Variants in RANBP2 observed in about 807,000 individuals in gnomAD.
RANBP2 encodes RAN binding protein 2.
Under a neutral mutation model 303.6 loss-of-function variants are expected in RANBP2, and 57 were observed. The ratio of observed to expected loss-of-function variants is 0.19; its 90% confidence interval spans 0.15 to 0.23. The LOEUF (loss-of-function observed/expected upper bound fraction) is 0.23, where lower values mean the gene tolerates loss of function less well. Ranked by LOEUF, RANBP2 falls within the 10% of genes least tolerant of loss-of-function variation. RANBP2 has a pLI of 1.00. For missense variants in RANBP2, 3,138 were observed against 3,780.8 expected (o/e 0.83, Z 4.46); for synonymous variants, 1,167 against 1,301.5 (o/e 0.90, Z 2.23).
chr2:108,906,291 CT>C, the RANBP2 span: 158,438 of 1,610,286 alleles, frequency 0.098, 16,164 homozygotes, highest in African/African-American at 0.5. Flanking sequence ...CTCTCCCAGG[CT>C]TTTTTTTCAG....
chr2:108,723,058 T>A (rs187540866), intron 1 of RANBP2, among the ~76,000 whole-genome samples: 270 of 152,270 alleles, frequency 1.8e-3, no homozygotes, highest in African/African-American at 6.3e-3. Context: ...TATTTGTTTT[T>A]TAGAATAGGG....
chr2:109,034,270 CAAAAAAAA>C, the RANBP2 span, among the ~76,000 whole-genome samples: 1 of 38,094 alleles, frequency 2.6e-5, no homozygotes, highest in Non-Finnish European at 4.1e-5. Flanking sequence ...GACTCCATCT[CAAAAAAAA>C]AAAAAAAAAA....
the RANBP2 span, among the ~76,000 whole-genome samples, chr2:108,955,043 G>A: frequency 1.9e-3 from 286 of 152,192 alleles, no homozygotes; most frequent in African/African-American, 5.7e-3. Context: ...ACATCTCCCT[G>A]AGGGAAGCGC....
At chr2:109,743,098 C>T in the RANBP2 span, among the ~76,000 whole-genome samples, 3 of 147,368 alleles carry the variant, frequency 2.0e-5, 1 homozygote, top group Non-Finnish European at 3.0e-5. Flanking sequence ...TAGAGAGACC[C>T]CCTGTCTACA....
the RANBP2 span, among the ~76,000 whole-genome samples, chr2:109,064,921 C>T: frequency 8.5e-5 from 13 of 152,196 alleles, no homozygotes; most frequent in East Asian, 3.9e-4. Flanking sequence ...GGAGGGATAG[C>T]GCATGAGCTG....
the RANBP2 span, among the ~76,000 whole-genome samples, chr2:109,302,763 C>A: frequency 6.6e-6 from 1 of 152,140 alleles, no homozygotes; most frequent in Non-Finnish European, 1.5e-5. Flanking sequence ...CGACATTTCA[C>A]CTGCCTCTCG....
At chr2:109,303,569 C>T in the RANBP2 span, among the ~76,000 whole-genome samples, 2 of 152,140 alleles carry the variant, frequency 1.3e-5, no homozygotes, top group South Asian at 2.1e-4. Flanking sequence ...GAAACCCACC[C>T]GATGATGCCC....
chr2:108,749,673 C>T (rs1469972245), intron 9 of RANBP2, among the ~76,000 whole-genome samples: 2 of 152,162 alleles, frequency 1.3e-5, no homozygotes, highest in Non-Finnish European at 2.9e-5. Context: ...GTCACTGATA[C>T]CTTGAACTTC....
chr2:109,525,218 G>A, the RANBP2 span, among the ~76,000 whole-genome samples: 1 of 151,914 alleles, frequency 6.6e-6, no homozygotes, highest in African/African-American at 2.4e-5. Flanking sequence ...GCAGTGACGC[G>A]GTCTTGGCTC....
At chr2:108,786,748 A>G (rs940357295), downstream of RANBP2, 134 of 1,367,446 alleles carry the variant, frequency 9.8e-5, 1 homozygote, top group South Asian at 2.0e-4. Flanking sequence ...GCACGTCGTG[A>G]CGCACTGCGG....
At chr2:108,980,398 G>A in the RANBP2 span, among the ~76,000 whole-genome samples, 3 of 151,960 alleles carry the variant, frequency 2.0e-5, no homozygotes, top group South Asian at 2.1e-4. Context: ...ACGCCCTGCC[G>A]CTCACCTCAG....
At chr2:109,198,519 T>G in the RANBP2 span, among the ~76,000 whole-genome samples, 2 of 152,192 alleles carry the variant, frequency 1.3e-5, no homozygotes, top group Non-Finnish European at 2.9e-5. Flanking sequence ...CTGTGTGGCT[T>G]AAACAGCAGA....
chr2:109,283,237 C>T, the RANBP2 span, among the ~76,000 whole-genome samples: 37 of 152,208 alleles, frequency 2.4e-4, no homozygotes, highest in Non-Finnish European at 4.7e-4. Context: ...GTCTCCCGCT[C>T]TGGGTGCTTG....
the RANBP2 span, chr2:109,585,067 A>T: frequency 9.7e-7 from 1 of 1,025,660 alleles, no homozygotes; most frequent in Non-Finnish European, 1.4e-6. Flanking sequence ...TCATGGGGCT[A>T]TAAGGCGAAT....
chr2:109,573,836 T>C, the RANBP2 span, among the ~76,000 whole-genome samples: 1 of 152,232 alleles, frequency 6.6e-6, no homozygotes, highest in African/African-American at 2.4e-5. Context: ...TATAGCTCCT[T>C]GGCTTGGAAA....
the RANBP2 span, among the ~76,000 whole-genome samples, chr2:109,578,514 C>T: frequency 7.7e-6 from 1 of 129,134 alleles, no homozygotes; most frequent in Non-Finnish European, 1.6e-5. Context: ...GCCTGTAATC[C>T]CAGCACTTTG....
chr2:109,373,055 C>T, the RANBP2 span, among the ~76,000 whole-genome samples: 1 of 152,168 alleles, frequency 6.6e-6, no homozygotes, highest in Non-Finnish European at 1.5e-5. Context: ...CAGTGGTTCT[C>T]GCACATTTAG....
chr2:109,219,895 TG>T, the RANBP2 span, among the ~76,000 whole-genome samples: 3 of 152,194 alleles, frequency 2.0e-5, no homozygotes, highest in African/African-American at 7.2e-5. Context: ...AAAACCCCAA[TG>T]GCGTTTTTTA....
At chr2:109,334,402 T>C in the RANBP2 span, among the ~76,000 whole-genome samples, 2 of 147,456 alleles carry the variant, frequency 1.4e-5, no homozygotes, top group Non-Finnish European at 3.0e-5. Flanking sequence ...AAAGACCACC[T>C]CATCATCAGG....
Sources: allele counts gnomAD v4.1 joint callset (sites outside exome capture counted in the v4.1 genomes callset), GRCh38; gene constraint gnomAD v4.1.1; transcripts MANE v1.5; gene names NCBI Gene and HGNC (gene_info 2026-07-23, HGNC 2026-07-21).